Variants in SP9 observed in about 807,000 individuals in gnomAD.
SP9 encodes the protein Sp9 transcription factor.
SP9 carries 5 observed loss-of-function variants against 23.0 expected under a neutral mutation model. The observed-to-expected ratio is 0.22, with a 90% CI of 0.11 to 0.46. The LOEUF (loss-of-function observed/expected upper bound fraction) is 0.46. Among genes scored for constraint, SP9 ranks in the 20% least tolerant of loss-of-function variants. SP9 has a pLI of 0.99. For missense variants in SP9, 542 were observed against 724.0 expected (o/e 0.75, Z 2.88); for synonymous variants, 360 against 356.5 (o/e 1.01, Z -0.11).
rs574625788 is a variant in SP9, at chr2:174,335,759, C to T, written c.22-348C>T. The T allele has an allele frequency of 6.6e-5, 19 of 287,252 alleles. No homozygotes were observed. In the East Asian group the frequency reaches 1.4e-3, roughly 21 times the overall value. 17.8% of individuals were successfully genotyped at this position (287,252 alleles called of 1,614,324 possible). A position where few individuals can be genotyped will look rare whatever the true frequency, so the allele number is the denominator to read the frequency against. On this transcript the variant is annotated intron_variant, in intron 1 of 1. Coordinates refer to ENST00000394967, the MANE Select transcript of SP9 (RefSeq NM_001145250.2). ...CTCTGTGTTTACCTTCGCGCTTCAC[C>T]CCGAAGGGCGACTTGGGGTCTTCTG...
rs932256846 is a variant in SP9, at chr2:174,336,511, C to T, written c.426C>T (p.Ala142=). The change falls in exon 2 of 2, where the codon GCC becomes GCT. Residue 142 remains alanine, a synonymous_variant. Transcript: ENST00000394967. ...TTTCCAAGGTGCACACGACGGCAGC[C>T]GACGGGCTGTACCCGCGCGTGGGCA... ...AFISKVHTTA[A]DGLYPRVGMA... is the part of the protein sequence containing the mutation. The T allele has an allele frequency of 3.4e-6, 5 of 1,465,364 alleles. No individual in the cohort carries two copies. The African/African-American group carries it at 4.4e-5, about 13-fold the overall frequency. 90.8% of individuals were successfully genotyped at this position (1,465,364 alleles called of 1,614,324 possible).
In SP9 at chr2:174,337,545, C is replaced by T; in HGVS notation, c.*5C>T. Reference sequence around the variant, plus strand: ...TCTGGCCCCAACGACTCTTAGAGGCCGGGCGAGAGGCGCGAGCACACAAGC... The same window carrying T: ...TCTGGCCCCAACGACTCTTAGAGGCTGGGCGAGAGGCGCGAGCACACAAGC... On this transcript the variant is annotated 3_prime_UTR_variant, in exon 2 of 2. Coordinates refer to ENST00000394967, the MANE Select transcript of SP9 (RefSeq NM_001145250.2). 1 of 1,157,636 alleles carries T rather than the reference C, an allele frequency of 8.6e-7. No individual in the cohort carries two copies. Among genetic ancestry groups the T allele is most frequent in the Non-Finnish European group, 1.1e-6 (1 of 939,740 alleles). 71.7% of individuals were successfully genotyped at this position (1,157,636 alleles called of 1,614,324 possible). A position where few individuals can be genotyped will look rare whatever the true frequency, so the allele number is the denominator to read the frequency against.
In SP9 at chr2:174,337,635, G is replaced by A; in HGVS notation, c.*95G>A. 2 of 1,047,572 alleles carry A rather than the reference G, an allele frequency of 1.9e-6. No homozygotes were observed. Among genetic ancestry groups the A allele is most frequent in the Non-Finnish European group, 2.3e-6 (2 of 869,640 alleles). 64.9% of individuals were successfully genotyped at this position (1,047,572 alleles called of 1,614,324 possible). ...GAGCGAGCGGGAGGCGGGAGGGCAG[G>A]GGCTTCAGTGACGCCCCCAGGGCCC... On this transcript the variant is annotated 3_prime_UTR_variant, in exon 2 of 2. Coordinates refer to ENST00000394967, the MANE Select transcript of SP9 (RefSeq NM_001145250.2).
chr2:174,336,032 G>A, intron 1 of SP9, 75 bp from the exon 2 acceptor site: 2 of 1,411,564 alleles, frequency 1.4e-6, no homozygotes, highest in Non-Finnish European at 9.7e-7. Context: ...GCTGCTCACG[G>A]GTGCACTTTG....
At position 174,336,400 on chromosome 2, in the gene SP9, C is replaced by T; in HGVS notation, c.315C>T (p.Tyr105=). 2 of 1,485,796 alleles carry T rather than the reference C, an allele frequency of 1.3e-6. No homozygotes were observed. The highest frequency in any genetic ancestry group is 8.9e-7 in the Non-Finnish European group (1 of 1,126,060). 92.0% of individuals were successfully genotyped at this position (1,485,796 alleles called of 1,614,324 possible). Reference sequence around the variant, plus strand: ...CGTCGTCCGCCTTCAGCAGCGACTACGGCGGCCTCTTCTCCAACTCGGCGG... The same window carrying T: ...CGTCGTCCGCCTTCAGCAGCGACTATGGCGGCCTCTTCTCCAACTCGGCGG... ...SPTSSAFSSD[Y]GGLFSNSAAA... Residue 105 remains tyrosine, a synonymous_variant, in exon 2 of 2, where the codon TAC becomes TAT. Coordinates refer to ENST00000394967, the MANE Select transcript of SP9 (RefSeq NM_001145250.2).
chr2:174,336,796 C>T lies in SP9; in HGVS notation c.711C>T (p.Leu237=), dbSNP rs1437131493. ...LTHSAFSSTG[L]GSSAAAASHL... is the part of the protein sequence containing the mutation. ...ACTCCGCCTTCAGCTCCACGGGCCT[C>T]GGCTCCTCCGCCGCCGCCGCCTCCC... Residue 237 remains leucine (L), a synonymous_variant, in exon 2 of 2, where the codon CTC becomes CTT. Transcript: ENST00000394967. 8.5e-6 allele frequency: 13 copies of T among 1,530,140 alleles called. No homozygotes were observed. The highest frequency in any genetic ancestry group is 1.4e-5 in the African/African-American group (1 of 71,890). 94.8% of individuals were successfully genotyped at this position (1,530,140 alleles called of 1,614,324 possible). A position where few individuals can be genotyped will look rare whatever the true frequency, so the allele number is the denominator to read the frequency against.
chr2:174,335,268 C>A (rs1684387377), intron 1 of SP9, 155 bp downstream of exon 1: 1 of 828,742 alleles, frequency 1.2e-6, no homozygotes, highest in Non-Finnish European at 1.8e-6. Flanking sequence ...TGATTTTTCC[C>A]CAAGTTTTTG....
Position 174,337,590 on chromosome 2 carries a change from G to A in SP9, c.*50G>A. On this transcript the variant is annotated 3_prime_UTR_variant, in exon 2 of 2. Transcript: ENST00000394967. ...ACAAGCGAGTAGAGACACCGAGAACGAACGAGAGGTTCGGAGGGCGAGCGA... is the reference window on the plus strand; with the variant it reads ...ACAAGCGAGTAGAGACACCGAGAACAAACGAGAGGTTCGGAGGGCGAGCGA... The A allele has an allele frequency of 8.8e-7, 1 of 1,130,358 alleles. No individual in the cohort carries two copies. The highest frequency in any genetic ancestry group is 1.1e-6 in the Non-Finnish European group (1 of 922,544). The allele number at this position is 1,130,358 out of a possible 1,614,324, so 70.0% of individuals were successfully genotyped here.
chr2:174,336,017 AC>A, intron 1 of SP9, 89 bp from the exon 2 acceptor site: 1 of 1,250,822 alleles, frequency 8.0e-7, no homozygotes, highest in South Asian at 1.5e-5. Context: ...GCCGCAGGGG[AC>A]GAGGCTGCTC....
In SP9 at chr2:174,336,406, C is replaced by T. The variant is rs1204411324; in HGVS notation, c.321C>T (p.Gly107=). 8.8e-6 allele frequency: 13 copies of T among 1,482,646 alleles called. No individual in the cohort carries two copies. The highest frequency in any genetic ancestry group is 8.9e-7 in the Non-Finnish European group (1 of 1,125,244). 91.8% of individuals were successfully genotyped at this position (1,482,646 alleles called of 1,614,324 possible). The change falls in exon 2 of 2, where the codon GGC becomes GGT. Residue 107 remains glycine, a synonymous_variant. Transcript: ENST00000394967. ...CCGCCTTCAGCAGCGACTACGGCGGCCTCTTCTCCAACTCGGCGGCTGCCG... is the reference window on the plus strand; with the variant it reads ...CCGCCTTCAGCAGCGACTACGGCGGTCTCTTCTCCAACTCGGCGGCTGCCG... The part of the protein sequence containing the change: ...TSSAFSSDYG[G]LFSNSAAAAA...
chr2:174,337,338 G>A lies in SP9; in HGVS notation c.1253G>A (p.Gly418Asp). The A allele has an allele frequency of 6.4e-7, 1 of 1,550,854 alleles. No homozygotes were observed. Among genetic ancestry groups the A allele is most frequent in the Non-Finnish European group, 8.7e-7 (1 of 1,146,906 alleles). Reference sequence around the variant, plus strand: ...CACATTAAGACGCACAACGGGGGCGGCGGGGGCAAAAAGGGCAGCGACAGT... The same window carrying A: ...CACATTAAGACGCACAACGGGGGCGACGGGGGCAAAAAGGGCAGCGACAGT... ...SKHIKTHNGG[G>D]GGKKGSDSDT... is the part of the protein sequence containing the mutation. Residue 418 changes from glycine (G) to aspartate (D), a missense_variant, in exon 2 of 2, where the codon GGC becomes GAC. Coordinates refer to ENST00000394967, the MANE Select transcript of SP9 (RefSeq NM_001145250.2).
chr2:174,335,934 C>A, intron 1 of SP9, 173 bp from the exon 2 acceptor site: 1 of 617,614 alleles, frequency 1.6e-6, no homozygotes, highest in Non-Finnish European at 2.8e-6. Context: ...CTGCTCCGCG[C>A]CCGGTGCGGC....
intron 1 of SP9, chr2:174,335,843 G>A (rs1370273477): frequency 4.1e-6 from 2 of 485,052 alleles, no homozygotes; most frequent in Non-Finnish European, 7.3e-6. Flanking sequence ...GTTGCAGCGG[G>A]GAACACGGAG....
chr2:174,335,085 G>T lies in SP9; in HGVS notation c.-8G>T. On this transcript the variant is annotated 5_prime_UTR_variant, in exon 1 of 2. Transcript: ENST00000394967. ...CTCCCAGCCTCGCTGCGCAGCCAGA[G>T]ACCTGCTATGGCCACGTCTATACTC... 1.3e-6 allele frequency: 2 copies of T among 1,551,690 alleles called. No individual in the cohort carries two copies. The highest frequency in any genetic ancestry group is 1.7e-6 in the Non-Finnish European group (2 of 1,146,920).
chr2:174,337,837 C>G lies in SP9; in HGVS notation c.*297C>G, dbSNP rs1684445836. On this transcript the variant is annotated 3_prime_UTR_variant, in exon 2 of 2. Coordinates refer to ENST00000394967, the MANE Select transcript of SP9 (RefSeq NM_001145250.2). ...AACTGTACTCCCAGACGTACACATA[C>G]ACCGGAGACCTACAACCACAAGCAC... The G allele has an allele frequency of 5.8e-6, 1 of 171,624 alleles. No individual in the cohort carries two copies. Among genetic ancestry groups the G allele is most frequent in the Non-Finnish European group, 1.2e-5 (1 of 83,380 alleles). 10.6% of individuals were successfully genotyped at this position (171,624 alleles called of 1,614,324 possible).
At chr2:174,335,429 G>C (rs1684390138) in intron 1 of SP9, 1 of 394,648 alleles carries the variant, frequency 2.5e-6, no homozygotes, top group Non-Finnish European at 4.7e-6. Context: ...GCAATTATGC[G>C]ACAATGGTGT....
At position 174,336,263 on chromosome 2, in the gene SP9, G is replaced by A. The variant is rs1684409708; in HGVS notation, c.178G>A (p.Gly60Ser). The A allele has an allele frequency of 6.5e-7, 1 of 1,540,842 alleles. No homozygotes were observed. The highest frequency in any genetic ancestry group is 1.4e-5 in the African/African-American group (1 of 71,674). Reference sequence around the variant, plus strand: ...GCGCTCCTCGTCCAGCTGCAACCTCGGCTCCAGCCTCTCGGGCTTCGCGGT... The same window carrying A: ...GCGCTCCTCGTCCAGCTGCAACCTCAGCTCCAGCCTCTCGGGCTTCGCGGT... Reference protein sequence around the residue: ...WKRSSSSCNLGSSLSGFAVAT... With the variant: ...WKRSSSSCNLSSSLSGFAVAT... The change falls in exon 2 of 2, where the codon GGC (glycine) becomes AGC (serine). Residue 60 changes from glycine to serine, a missense_variant. Gly to Ser is a moderately conservative substitution (Grantham distance 56). Coordinates refer to ENST00000394967, the MANE Select transcript of SP9 (RefSeq NM_001145250.2).
chr2:174,336,964 G>T lies in SP9; in HGVS notation c.879G>T (p.Gly293=). The change falls in exon 2 of 2, where the codon GGG becomes GGT. Residue 293 remains glycine (G), a synonymous_variant. Coordinates refer to ENST00000394967, the MANE Select transcript of SP9 (RefSeq NM_001145250.2). The part of the protein sequence containing the change: ...ISGAAAAAAG[G]SSARSARRYS... ...GCGCCGCGGCTGCCGCCGCCGGGGG[G>T]AGCTCGGCACGCTCTGCCCGCCGCT... is the stretch of plus-strand genomic sequence containing the variant. 7.0e-7 allele frequency: 1 copy of T among 1,436,316 alleles called. No homozygotes were observed. The highest frequency in any genetic ancestry group is 3.0e-5 in the East Asian group (1 of 33,782). The allele number at this position is 1,436,316 out of a possible 1,614,324, so 89.0% of individuals were successfully genotyped here. A position where few individuals can be genotyped will look rare whatever the true frequency, so the allele number is the denominator to read the frequency against.
chr2:174,336,127 G>A lies in SP9; in HGVS notation c.42G>A (p.Thr14=), dbSNP rs754996168. 29 of 1,545,274 alleles carry A rather than the reference G, an allele frequency of 1.9e-5. No individual in the cohort carries two copies. Among genetic ancestry groups the A allele is most frequent in the South Asian group, 3.6e-5 (3 of 83,994 alleles). ...TCTAGGAAGAGCCGCGCTTCGGAACGACCCCGTTGGCCATGCTGGCGGCGA... is the reference window on the plus strand; with the variant it reads ...TCTAGGAAGAGCCGCGCTTCGGAACAACCCCGTTGGCCATGCTGGCGGCGA... ...SILGEEPRFG[T]TPLAMLAATC... The change falls in exon 2 of 2, where the codon ACG becomes ACA. Residue 14 remains threonine (T), a synonymous_variant. Coordinates refer to ENST00000394967, the MANE Select transcript of SP9 (RefSeq NM_001145250.2).
Sources: allele counts gnomAD v4.1 joint callset, GRCh38; gene constraint gnomAD v4.1.1; transcripts MANE v1.5; gene names NCBI Gene and HGNC (gene_info 2026-07-23, HGNC 2026-07-21).